Variants in NFAM1 observed in about 807,000 individuals in gnomAD.
The protein encoded by NFAM1 is NFAT activation molecule 1.
A neutral mutation model predicts 29.0 loss-of-function variants in NFAM1; 17 were observed. The observed-to-expected ratio is 0.59, with a 90% CI of 0.40 to 0.88. The LOEUF (loss-of-function observed/expected upper bound fraction) is 0.88. Among genes scored for constraint, NFAM1 ranks in the 40% least tolerant of loss-of-function variants. The pLI is 0.00. For missense variants in NFAM1, 324 were observed against 344.6 expected, an observed-to-expected ratio of 0.94 and a Z score of 0.47; for synonymous variants, 175 against 147.2, an observed-to-expected ratio of 1.19 and a Z score of -1.36.
At chr22:42,406,888 C>T (rs1459515246) in intron 3 of NFAM1, among the ~76,000 whole-genome samples, 1 of 151,814 alleles carries the variant, frequency 6.6e-6, no homozygotes, top group Admixed American at 6.6e-5. Flanking sequence ...GATTCTCTTG[C>T]CTCAGGCTTC....
In NFAM1 at chr22:42,419,695, G is replaced by A. The variant is rs1365979714; in HGVS notation, c.122-7959C>T. On this transcript the variant is annotated intron_variant, in intron 1 of 5. Coordinates refer to ENST00000329021, the MANE Select transcript of NFAM1 (RefSeq NM_145912.8). The surrounding 1 kb of genome is among the most constrained non-coding windows in gnomAD (Gnocchi z 4.5). ...CCTTCGCCCGTGCTGTTCCGGCTGT[G>A]CGGAATGTCCTACCCATTCCTTCCT... Among the ~76,000 whole-genome samples, 1 of 152,194 alleles carries A rather than the reference G, an allele frequency of 6.6e-6. No homozygotes were observed. Among genetic ancestry groups the A allele is most frequent in the Non-Finnish European group, 1.5e-5 (1 of 68,052 alleles).
At chr22:42,411,939 A>T (rs1217670462) in intron 1 of NFAM1, among the ~76,000 whole-genome samples, 1 of 152,236 alleles carries the variant, frequency 6.6e-6, no homozygotes, top group Non-Finnish European at 1.5e-5. Flanking sequence ...CTCTACTAAA[A>T]ATACAAAAAT....
upstream of NFAM1, chr22:42,432,457 C>G: frequency 6.9e-7 from 1 of 1,439,580 alleles, no homozygotes; most frequent in South Asian, 1.5e-5. Context: ...TCCTCCCTGG[C>G]AGCCCCTGAC....
intron 3 of NFAM1, 74 bp from the exon 4 acceptor site, chr22:42,398,030 A>G: frequency 1.3e-6 from 1 of 750,530 alleles, no homozygotes. Context: ...CCCCAGGGGA[A>G]AGGATGGCAG....
In NFAM1 at chr22:42,392,872, T is replaced by C. The variant is rs1042209474; in HGVS notation, c.663+4986A>G. ...TGGAGTGCAGTGGCATAATCTCGGC[T>C]CACTGCAACTTCTGCCTCCCAGGTT... On this transcript the variant is annotated intron_variant, in intron 4 of 5. Coordinates refer to ENST00000329021, the MANE Select transcript of NFAM1 (RefSeq NM_145912.8). 5.3e-5 allele frequency among the ~76,000 whole-genome samples: 8 copies of C among 152,244 alleles called. No homozygotes were observed. In the East Asian group the frequency reaches 1.5e-3, roughly 29 times the overall value.
intron 1 of NFAM1, among the ~76,000 whole-genome samples, chr22:42,429,276 C>T (rs9623591): frequency 1.3e-5 from 2 of 152,170 alleles, no homozygotes; most frequent in East Asian, 1.9e-4. Flanking sequence ...TGAGGCATAG[C>T]GATAGAAGTA....
chr22:42,416,258 C>A (rs1025376713), intron 1 of NFAM1, among the ~76,000 whole-genome samples: 1 of 152,112 alleles, frequency 6.6e-6, no homozygotes, highest in Non-Finnish European at 1.5e-5. Flanking sequence ...ATCGCTTGAG[C>A]CCAGGAGTTT....
chr22:42,413,541 C>T (rs1023553197), intron 1 of NFAM1, among the ~76,000 whole-genome samples: 2 of 151,816 alleles, frequency 1.3e-5, no homozygotes, highest in African/African-American at 2.4e-5. Context: ...TTTGGGAGGC[C>T]GAGGCGGGTG....
intron 4 of NFAM1, among the ~76,000 whole-genome samples, chr22:42,393,105 C>G (rs74625360): frequency 6.6e-6 from 1 of 150,976 alleles, no homozygotes; most frequent in Non-Finnish European, 1.5e-5. Context: ...AGTAGTAAAG[C>G]TTTTTTTTTC....
intron 1 of NFAM1, among the ~76,000 whole-genome samples, chr22:42,412,260 C>T (rs5996160): frequency 3.9e-5 from 6 of 152,218 alleles, no homozygotes; most frequent in African/African-American, 1.4e-4. Context: ...AGACAAGTCT[C>T]GTGCATCGTG....
chr22:42,385,144 G>A lies in NFAM1; in HGVS notation c.*17C>T, dbSNP rs1047359294. Reference sequence around the variant, plus strand: ...TCCTCTGACCCAGGGCAAGCTCTATGAGCGGTGGAGCCCATCCTAGAGATT... The same window carrying A: ...TCCTCTGACCCAGGGCAAGCTCTATAAGCGGTGGAGCCCATCCTAGAGATT... On this transcript the variant is annotated 3_prime_UTR_variant, in exon 6 of 6. Transcript: ENST00000329021. 18 of 1,606,918 alleles carry A rather than the reference G, an allele frequency of 1.1e-5. No individual in the cohort carries two copies. The Admixed American group carries it at 1.8e-4, about 16-fold the overall frequency.
rs201168666 is a variant in NFAM1, at chr22:42,386,979, G to A, written c.753+10C>T. Reference sequence around the variant, plus strand: ...AAGAAGCCAGGCTTGGTGCCCCAGCGCCTGTGTACCTGGGAGAGGGGGCTC... The same window carrying A: ...AAGAAGCCAGGCTTGGTGCCCCAGCACCTGTGTACCTGGGAGAGGGGGCTC... On this transcript the variant is annotated intron_variant, in intron 5 of 5. Transcript: ENST00000329021. The A allele has an allele frequency of 3.7e-5, 54 of 1,472,822 alleles. No homozygotes were observed. Among genetic ancestry groups the A allele is most frequent in the Middle Eastern group, 1.8e-4 (1 of 5,706 alleles). 91.2% of individuals were successfully genotyped at this position (1,472,822 alleles called of 1,614,324 possible). A position where few individuals can be genotyped will look rare whatever the true frequency, so the allele number is the denominator to read the frequency against.
At chr22:42,412,071 A>G (rs570379711) in intron 1 of NFAM1, among the ~76,000 whole-genome samples, 31 of 152,310 alleles carry the variant, frequency 2.0e-4, no homozygotes, top group Admixed American at 5.2e-4. Flanking sequence ...GTCTCTATTA[A>G]AAATACAAAG....
In NFAM1 at chr22:42,383,413, A is replaced by G. The variant is rs1467496310; in HGVS notation, c.*1748T>C. 4 of 152,684 alleles carry G rather than the reference A, an allele frequency of 2.6e-5. No individual in the cohort carries two copies. The highest frequency in any genetic ancestry group is 9.7e-5 in the African/African-American group (4 of 41,438). 9.5% of individuals were successfully genotyped at this position (152,684 alleles called of 1,614,324 possible). A position where few individuals can be genotyped will look rare whatever the true frequency, so the allele number is the denominator to read the frequency against. On this transcript the variant is annotated 3_prime_UTR_variant, in exon 6 of 6. Transcript: ENST00000329021. ...CACACCTGGCAGCTTCACCTCCCCAAACAGGCCCGGAGTTCATTCAAATCC... is the reference window on the plus strand; with the variant it reads ...CACACCTGGCAGCTTCACCTCCCCAGACAGGCCCGGAGTTCATTCAAATCC...
In NFAM1 at chr22:42,384,350, TG is replaced by T. The variant is rs1234416044; in HGVS notation, c.*810del. On this transcript the variant is annotated 3_prime_UTR_variant, in exon 6 of 6. Coordinates refer to ENST00000329021, the MANE Select transcript of NFAM1 (RefSeq NM_145912.8). ...GAGTGCACGTACAGGGCCAGGCCAATGGGAGTGGGAACCCTTGGGAGAGGGA... is the reference window on the plus strand; with the variant it reads ...GAGTGCACGTACAGGGCCAGGCCAATGGAGTGGGAACCCTTGGGAGAGGGA... The T allele has an allele frequency of 6.5e-6, 1 of 153,140 alleles. No homozygotes were observed. The highest frequency in any genetic ancestry group is 1.9e-4 in the East Asian group (1 of 5,194). The allele number at this position is 153,140 out of a possible 1,614,324, so 9.5% of individuals were successfully genotyped here.
Position 42,385,002 on chromosome 22 carries a change from G to A in NFAM1, c.*159C>T, listed in dbSNP as rs116718035. 3.5e-3 allele frequency: 2,433 copies of A among 697,982 alleles called. 35 individuals are homozygous for A. In the African/African-American group the frequency reaches 0.036, roughly 10 times the overall value. 43.2% of individuals were successfully genotyped at this position (697,982 alleles called of 1,614,324 possible). On this transcript the variant is annotated 3_prime_UTR_variant, in exon 6 of 6. Coordinates refer to ENST00000329021, the MANE Select transcript of NFAM1 (RefSeq NM_145912.8). ...GGTGGTTGGGGCATAGAATGGGGGG[G>A]CAGTGGGGCCGGCCAAGACAGGAAG...
upstream of NFAM1, chr22:42,437,010 C>A (rs1169925541): frequency 1.0e-6 from 1 of 984,286 alleles, no homozygotes; most frequent in Non-Finnish European, 1.2e-6. Context: ...ATACCATGGT[C>A]CCCCTGCTAT....
At chr22:42,416,174 T>C (rs1328674620) in intron 1 of NFAM1, among the ~76,000 whole-genome samples, 1 of 152,192 alleles carries the variant, frequency 6.6e-6, no homozygotes, top group Non-Finnish European at 1.5e-5. Flanking sequence ...TGCAACCGCG[T>C]TCTGGAGCGG....
intron 1 of NFAM1, among the ~76,000 whole-genome samples, chr22:42,425,995 CAG>C (rs111647249): frequency 0.048 from 7,252 of 152,214 alleles, 189 homozygotes; most frequent in African/African-American, 0.072. Context: ...TTGACCTTGA[CAG>C]AGAGTTTGGA....
Sources: allele counts gnomAD v4.1 joint callset (sites outside exome capture counted in the v4.1 genomes callset), GRCh38; gene constraint gnomAD v4.1.1; non-coding constraint Gnocchi (gnomAD v3.1); transcripts MANE v1.5; gene names NCBI Gene and HGNC (gene_info 2026-07-23, HGNC 2026-07-21).